Variants in TMEM117 observed in about 807,000 individuals in gnomAD.
The protein encoded by TMEM117 is transmembrane protein 117.
TMEM117 carries 27 observed loss-of-function variants against 52.4 expected under a neutral mutation model. The ratio of observed to expected loss-of-function variants is 0.51; its 90% CI spans 0.38 to 0.71. The LOEUF is 0.71. Among genes scored for constraint, TMEM117 ranks in the 30% least tolerant of loss-of-function variants. The probability of loss-of-function intolerance (pLI) is 0.00; values close to 1 mark genes in which losing one functional copy is unlikely to be tolerated. For synonymous variants in TMEM117, 215 were observed against 206.3 expected, an observed-to-expected ratio of 1.04 and a Z score of -0.36; for missense variants, 556 against 630.5, an observed-to-expected ratio of 0.88 and a Z score of 1.26.
chr12:44,164,108 G>A (rs74479326), intron 4 of TMEM117, among the ~76,000 whole-genome samples: 7,482 of 152,172 alleles, frequency 0.049, 609 homozygotes, highest in African/African-American at 0.17. Flanking sequence ...AGACTATACC[G>A]TGGAATAAGA....
At chr12:43,894,108 C>G (rs1016173196) in intron 2 of TMEM117, among the ~76,000 whole-genome samples, 2 of 152,152 alleles carry the variant, frequency 1.3e-5, no homozygotes, top group Non-Finnish European at 2.9e-5. Context: ...AAATCACAGG[C>G]CAGCTCAGAT....
At chr12:44,195,183 G>A (rs763849440) in intron 4 of TMEM117, among the ~76,000 whole-genome samples, 5 of 152,128 alleles carry the variant, frequency 3.3e-5, no homozygotes, top group Non-Finnish European at 7.4e-5. Context: ...GAGGAGCCAG[G>A]AAAAACCTGA....
intron 2 of TMEM117, among the ~76,000 whole-genome samples, chr12:43,917,757 C>A (rs1279560297): frequency 3.3e-5 from 5 of 152,054 alleles, no homozygotes; most frequent in Non-Finnish European, 5.9e-5. Context: ...AGATTTTTAT[C>A]AAGCAAAAGG....
chr12:44,044,541 A>G (rs753050754), intron 3 of TMEM117, among the ~76,000 whole-genome samples: 7 of 152,206 alleles, frequency 4.6e-5, no homozygotes, highest in Non-Finnish European at 8.8e-5. Context: ...TGAAGGCACA[A>G]GTAAGTTACA....
chr12:44,282,325 A>G (rs1363703693), intron 5 of TMEM117, among the ~76,000 whole-genome samples: 3 of 152,204 alleles, frequency 2.0e-5, no homozygotes, highest in Non-Finnish European at 4.4e-5. Context: ...GAACTGGGTA[A>G]CAGGCAGAGG....
At chr12:43,805,759 AT>A in the TMEM117 span, 2 of 1,338,464 alleles carry the variant, frequency 1.5e-6, no homozygotes, top group Admixed American at 3.8e-5. Context: ...TGTGAGAAAG[AT>A]TCTGGCATGG....
chr12:44,075,008 C>G (rs942624740), intron 3 of TMEM117, among the ~76,000 whole-genome samples: 1 of 152,148 alleles, frequency 6.6e-6, no homozygotes, highest in Non-Finnish European at 1.5e-5. Flanking sequence ...GAGGCTTATT[C>G]AGTTTTCTCA....
At chr12:44,317,386 T>A (rs1951070205) in intron 6 of TMEM117, among the ~76,000 whole-genome samples, 1 of 151,796 alleles carries the variant, frequency 6.6e-6, no homozygotes, top group South Asian at 2.1e-4. Flanking sequence ...CTTTGCTTCA[T>A]TTTTTTGTTT....
intron 6 of TMEM117, among the ~76,000 whole-genome samples, chr12:44,314,551 C>T (rs1227601539): frequency 6.7e-6 from 1 of 148,546 alleles, no homozygotes; most frequent in Non-Finnish European, 1.5e-5. Context: ...GGGATATTGG[C>T]CTGTAGTTTC....
intron 2 of TMEM117, among the ~76,000 whole-genome samples, chr12:43,880,148 G>A (rs1376976184): frequency 6.6e-5 from 10 of 152,056 alleles, no homozygotes; most frequent in Admixed American, 6.6e-4. Flanking sequence ...AAGTAATAAT[G>A]CCTGTCCTCA....
intron 2 of TMEM117, among the ~76,000 whole-genome samples, chr12:43,938,374 A>G (rs1186626454): frequency 6.6e-6 from 1 of 151,776 alleles, no homozygotes; most frequent in African/African-American, 2.4e-5. Flanking sequence ...GAGCCCGAAT[A>G]GAATGAATCT....
At chr12:43,806,576 T>C in the TMEM117 span, among the ~76,000 whole-genome samples, 1 of 152,104 alleles carries the variant, frequency 6.6e-6, no homozygotes, top group African/African-American at 2.4e-5. Context: ...GTCTGCTCTC[T>C]GACAACCCCG....
chr12:44,273,338 A>G (rs530053811), intron 5 of TMEM117, among the ~76,000 whole-genome samples: 3 of 152,058 alleles, frequency 2.0e-5, no homozygotes, highest in African/African-American at 7.2e-5. Context: ...CATGTTGTGC[A>G]CATGTACCCT....
intron 5 of TMEM117, among the ~76,000 whole-genome samples, chr12:44,282,255 T>C (rs1166283874): frequency 2.0e-5 from 3 of 152,076 alleles, no homozygotes; most frequent in Non-Finnish European, 4.4e-5. Flanking sequence ...ATACAGTAAA[T>C]TGGTACCATT....
chr12:44,083,686 A>G (rs1371499841), intron 3 of TMEM117: 1 of 152,010 alleles, frequency 6.6e-6, no homozygotes, highest in Non-Finnish European at 1.5e-5. Context: ...TTACAGGTAT[A>G]AACTACTGCA....
Position 44,388,319 on chromosome 12 carries a change from G to T in TMEM117, c.1192G>T (p.Val398Phe). The T allele has an allele frequency of 1.2e-6, 2 of 1,613,582 alleles. No individual in the cohort carries two copies. The highest frequency in any genetic ancestry group is 2.2e-5 in the South Asian group (2 of 91,078). ...TCTTGATGTCAAGTGTCTGGCCTTT[G>T]TTCCAAGCCTGATAGCCTTTGTGTG... ...ASLDVKCLAFVPSLIAFVWFG... is the reference protein window; with the variant it reads ...ASLDVKCLAFFPSLIAFVWFG... The change falls in exon 8 of 8, where the codon GTT (valine) becomes TTT (phenylalanine). Residue 398 changes from valine to phenylalanine, a missense_variant. Physicochemically the swap from Val to Phe is conservative, Grantham distance 50 (BLOSUM62 -1). Around this residue, in one of 3 missense-constraint regions of TMEM117, gnomAD observed 206 missense variants for 211.1 expected, o/e 0.98. Transcript: ENST00000266534.
intron 6 of TMEM117, among the ~76,000 whole-genome samples, chr12:44,305,676 G>A (rs1950895062): frequency 6.6e-6 from 1 of 152,230 alleles, no homozygotes; most frequent in African/African-American, 2.4e-5. Context: ...TGGCAAGGCT[G>A]CAGAGAAAAG....
At chr12:44,127,775 C>T (rs1311073463) in intron 3 of TMEM117, among the ~76,000 whole-genome samples, 1 of 152,198 alleles carries the variant, frequency 6.6e-6, no homozygotes, top group Non-Finnish European at 1.5e-5. Context: ...TGATGTTTCC[C>T]AGAGAAAGAA....
intron 2 of TMEM117, among the ~76,000 whole-genome samples, chr12:43,869,616 G>A (rs921668748): frequency 6.6e-6 from 1 of 152,206 alleles, no homozygotes; most frequent in Non-Finnish European, 1.5e-5. Flanking sequence ...TGTGTATGCC[G>A]AATAGAAAAC....
Sources: allele counts gnomAD v4.1 joint callset (sites outside exome capture counted in the v4.1 genomes callset), GRCh38; gene constraint gnomAD v4.1.1; regional missense constraint gnomAD v4.1.1; transcripts MANE v1.5; gene names NCBI Gene and HGNC (gene_info 2026-07-23, HGNC 2026-07-21).